The following RGS7BP variants were observed in gnomAD, a reference collection of about 807,000 sequenced individuals.
RGS7BP encodes regulator of G protein signaling 7-binding protein.
In RGS7BP, 9 loss-of-function variants were observed where a neutral mutation model predicts 31.3. The ratio of observed to expected loss-of-function variants is 0.29; its 90% confidence interval spans 0.17 to 0.50. The LOEUF (loss-of-function observed/expected upper bound fraction) is 0.50, where lower values mean the gene tolerates loss of function less well. RGS7BP is among the 20% of genes least tolerant of loss of function. The pLI is 0.98. For missense variants in RGS7BP, 274 were observed against 322.0 expected, an observed-to-expected ratio of 0.85 and a Z score of 1.14; for synonymous variants, 115 against 120.1, an observed-to-expected ratio of 0.96 and a Z score of 0.28.
intron 2 of RGS7BP, among the ~76,000 whole-genome samples, chr5:64,548,863 T>G (rs1312522400): frequency 6.6e-6 from 1 of 151,912 alleles, no homozygotes. Context: ...TTTTTTTTTT[T>G]TTTTACTAAG....
intron 5 of RGS7BP, among the ~76,000 whole-genome samples, chr5:64,599,702 T>C (rs997438089): frequency 3.9e-5 from 6 of 152,202 alleles, no homozygotes; most frequent in Non-Finnish European, 5.9e-5. Flanking sequence ...GACCACCACA[T>C]GGAAGATTGT....
At chr5:64,575,656 T>C (rs970119947) in intron 2 of RGS7BP, 118 bp from the exon 3 acceptor site, 6 of 1,417,396 alleles carry the variant, frequency 4.2e-6, no homozygotes, top group Non-Finnish European at 5.5e-6. Context: ...TCCTATATTT[T>C]AGGATCAAGG....
intron 3 of RGS7BP, among the ~76,000 whole-genome samples, chr5:64,589,592 T>A (rs1373244913): frequency 2.0e-5 from 3 of 151,994 alleles, no homozygotes; most frequent in African/African-American, 7.2e-5. Flanking sequence ...ATTCATGACA[T>A]TGAAAATGAA....
At position 64,506,801 on chromosome 5, in the gene RGS7BP, C is replaced by A; in HGVS notation, c.165+12C>A. On this transcript the variant is annotated intron_variant, in intron 1 of 5. Transcript: ENST00000334025. This position sits in a 1 kb window ranked among gnomAD's most constrained non-coding sequence, Gnocchi z 4.6. The stretch of plus-strand genomic sequence containing the variant: ...ACGACTGCAAGATGGTGGGTGAAAA[C>A]TGCGCCTCTTTTTTTTTTTTTTTAA... 1 of 1,471,152 alleles carries A rather than the reference C, an allele frequency of 6.8e-7. No homozygotes were observed. Among genetic ancestry groups the A allele is most frequent in the Admixed American group, 2.1e-5 (1 of 46,710 alleles). 91.1% of individuals were successfully genotyped at this position (1,471,152 alleles called of 1,614,324 possible).
intron 3 of RGS7BP, among the ~76,000 whole-genome samples, chr5:64,593,869 A>G (rs1376601391): frequency 6.6e-6 from 1 of 152,116 alleles, no homozygotes; most frequent in East Asian, 1.9e-4. Flanking sequence ...ATACTAGGAT[A>G]CCCCCCTATG....
intron 2 of RGS7BP, among the ~76,000 whole-genome samples, chr5:64,542,233 C>T (rs1021941292): frequency 2.0e-5 from 3 of 152,210 alleles, no homozygotes; most frequent in African/African-American, 7.2e-5. Context: ...CAAGAACCAA[C>T]ATGGAAGAGT....
intron 2 of RGS7BP, among the ~76,000 whole-genome samples, chr5:64,545,005 G>A (rs887552813): frequency 2.6e-5 from 4 of 151,942 alleles, no homozygotes; most frequent in South Asian, 2.1e-4. Context: ...CGAAAACCCC[G>A]TCTCTACTAA....
intron 2 of RGS7BP, among the ~76,000 whole-genome samples, chr5:64,511,062 G>A (rs1748819381): frequency 6.6e-6 from 1 of 152,212 alleles, no homozygotes; most frequent in Admixed American, 6.5e-5. Flanking sequence ...AAGAAGATGA[G>A]GCAAGATAGA....
At chr5:64,577,429 G>A (rs1357967492) in intron 3 of RGS7BP, among the ~76,000 whole-genome samples, 1 of 151,828 alleles carries the variant, frequency 6.6e-6, no homozygotes, top group African/African-American at 2.4e-5. Context: ...GTGACAGTGA[G>A]ACTCCATCTC....
At chr5:64,529,803 A>C (rs1007866455) in intron 2 of RGS7BP, among the ~76,000 whole-genome samples, 1 of 152,098 alleles carries the variant, frequency 6.6e-6, no homozygotes, top group Non-Finnish European at 1.5e-5. Flanking sequence ...TTCTAGCTTC[A>C]TGTCATCTCC....
chr5:64,562,732 C>T (rs1448854901), intron 2 of RGS7BP, among the ~76,000 whole-genome samples: 2 of 152,136 alleles, frequency 1.3e-5, no homozygotes, highest in African/African-American at 2.4e-5. Flanking sequence ...AAATCCATGG[C>T]CCATCCAGCA....
intron 5 of RGS7BP, among the ~76,000 whole-genome samples, chr5:64,605,924 TA>T (rs1356029441): frequency 0.054 from 7,935 of 148,014 alleles, 456 homozygotes; most frequent in Middle Eastern, 0.12. Flanking sequence ...TACATATATA[TA>T]TGCTATATAT....
At chr5:64,540,437 C>T (rs1406320342) in intron 2 of RGS7BP, among the ~76,000 whole-genome samples, 5 of 151,890 alleles carry the variant, frequency 3.3e-5, no homozygotes. Context: ...CTTGATAGAC[C>T]ATGTGTAGTG....
chr5:64,536,596 T>A (rs200357), intron 2 of RGS7BP, among the ~76,000 whole-genome samples: 1 of 152,026 alleles, frequency 6.6e-6, no homozygotes, highest in Non-Finnish European at 1.5e-5. Context: ...AATACCTACA[T>A]TTCAGGTGCT....
chr5:64,556,825 T>G (rs889094782), intron 2 of RGS7BP, among the ~76,000 whole-genome samples: 1 of 151,768 alleles, frequency 6.6e-6, no homozygotes, highest in African/African-American at 2.4e-5. Context: ...AAAAAAAAAA[T>G]CTCTGTGTGT....
At chr5:64,585,821 A>T (rs141297633) in intron 3 of RGS7BP, among the ~76,000 whole-genome samples, 1 of 152,200 alleles carries the variant, frequency 6.6e-6, no homozygotes, top group Admixed American at 6.5e-5. Context: ...AAGCTTTGCA[A>T]GACTTTAAGG....
In RGS7BP at chr5:64,609,922, C is replaced by G. The variant is rs1209961664; in HGVS notation, c.*670C>G. 6.6e-6 allele frequency: 1 copy of G among 152,368 alleles called. No individual in the cohort carries two copies. Among genetic ancestry groups the G allele is most frequent in the Non-Finnish European group, 1.5e-5 (1 of 67,916 alleles). The allele number at this position is 152,368 out of a possible 1,614,324, so 9.4% of individuals were successfully genotyped here. A position where few individuals can be genotyped will look rare whatever the true frequency, so the allele number is the denominator to read the frequency against. On this transcript the variant is annotated 3_prime_UTR_variant, in exon 6 of 6. Transcript: ENST00000334025. The stretch of plus-strand genomic sequence containing the variant: ...ACACAATAATCCTAATACCTTCGTA[C>G]AAATGCATATGGGCAACTAATTTCT...
At position 64,594,590 on chromosome 5, in the gene RGS7BP, A is replaced by T. The variant is rs1743012176; in HGVS notation, c.464-120A>T. The T allele has an allele frequency of 1.9e-5, 16 of 834,118 alleles. No individual in the cohort carries two copies. The Admixed American group carries it at 3.2e-4, about 17-fold the overall frequency. The allele number at this position is 834,118 out of a possible 1,614,324, so 51.7% of individuals were successfully genotyped here. A position where few individuals can be genotyped will look rare whatever the true frequency, so the allele number is the denominator to read the frequency against. On this transcript the variant is annotated intron_variant, in intron 3 of 5. Coordinates refer to ENST00000334025, the MANE Select transcript of RGS7BP (RefSeq NM_001029875.3). ...TTATTTTATTACTCAGAAAGCTATT[A>T]GGGTTAATGGAACATTTGACTCAAA...
rs540967695 is a variant in RGS7BP, at chr5:64,582,806, A to G, written c.463+6902A>G. Among the ~76,000 whole-genome samples the G allele has an allele frequency of 3.9e-5, 6 of 152,314 alleles. No homozygotes were observed. In the South Asian group the frequency reaches 1.2e-3, roughly 32 times the overall value. Reference sequence around the variant, plus strand: ...CAAAGAATAAAATATGAGCAGTAAAAACTCCAGTGTATTCAGCATCATATT... The same window carrying G: ...CAAAGAATAAAATATGAGCAGTAAAGACTCCAGTGTATTCAGCATCATATT... On this transcript the variant is annotated intron_variant, in intron 3 of 5. Coordinates refer to ENST00000334025, the MANE Select transcript of RGS7BP (RefSeq NM_001029875.3).
Sources: gnomAD v4.1 joint callset for allele counts (sites outside exome capture counted in the v4.1 genomes callset) on GRCh38, gnomAD v4.1.1 for gene constraint, Gnocchi (gnomAD v3.1) non-coding constraint, MANE v1.5 for transcripts, NCBI Gene and HGNC (gene_info 2026-07-23, HGNC 2026-07-21) for gene names.